Variants in ATP1A2 observed in about 807,000 individuals in gnomAD.
ATP1A2 encodes ATPase Na+/K+ transporting subunit alpha 2.
ATP1A2 carries 56 observed loss-of-function variants against 113.1 expected under a neutral mutation model. That is an observed-to-expected ratio of 0.49 (90% CI 0.40 to 0.62). The LOEUF is 0.62. ATP1A2 is among the 20% of genes least tolerant of loss of function. ATP1A2 has a pLI of 0.00. For missense variants in ATP1A2, 712 were observed against 1,357.8 expected (o/e 0.52, Z 7.47); for synonymous variants, 490 against 526.8 (o/e 0.93, Z 0.96).
At chr1:160,128,920 TG>T in intron 9 of ATP1A2, 59 bp from the exon 10 acceptor site, 5 of 1,601,540 alleles carry the variant, frequency 3.1e-6, no homozygotes, top group Non-Finnish European at 2.6e-6. Context: ...GTGGGGTGAG[TG>T]GTTGAGATAA....
At chr1:160,140,531 G>A (rs1049205850) in intron 22 of ATP1A2, 3 of 172,748 alleles carry the variant, frequency 1.7e-5, no homozygotes, top group South Asian at 1.3e-4. Context: ...GTGGGGGGAG[G>A]AGGGTGGATT....
intron 7 of ATP1A2, among the ~76,000 whole-genome samples, chr1:160,127,231 C>A (rs1651613711): frequency 1.3e-5 from 2 of 152,178 alleles, no homozygotes; most frequent in Admixed American, 1.3e-4. Context: ...TGGATGGTAT[C>A]AAGTATGGGA....
Position 160,127,633 on chromosome 1 carries a change from T to C in ATP1A2, c.830T>C (p.Val277Ala). The part of the protein sequence containing the change: ...RIATLASGLE[V>A]GRTPIAMEIE... Reference sequence around the variant, plus strand: ...GCTACTCTCGCCTCAGGCCTGGAGGTTGGGCGGACACCCATAGCAATGGAG... The same window carrying C: ...GCTACTCTCGCCTCAGGCCTGGAGGCTGGGCGGACACCCATAGCAATGGAG... Residue 277 changes from valine to alanine, a missense_variant, in exon 8 of 23, where the codon GTT becomes GCT. Physicochemically the swap from Val to Ala is moderately conservative, Grantham distance 64. Around this residue, in one of 6 missense-constraint regions of ATP1A2, gnomAD observed 99 missense variants for 180.4 expected, o/e 0.55. Coordinates refer to ENST00000361216, the MANE Select transcript of ATP1A2 (RefSeq NM_000702.4). The C allele has an allele frequency of 6.2e-7, 1 of 1,614,172 alleles. No individual in the cohort carries two copies. Among genetic ancestry groups the C allele is most frequent in the Non-Finnish European group, 8.5e-7 (1 of 1,180,020 alleles).
rs1472757564 is a variant in ATP1A2 at position 160,141,607 on chromosome 1, G to A, written c.*285G>A. On this transcript the variant is annotated 3_prime_UTR_variant, in exon 23 of 23. Transcript: ENST00000361216. ...TTGTCTATTTTTTCTGAGGAATTAAGGGTTACCCCACCCTGCCCACTCCCA... is the reference window on the plus strand; with the variant it reads ...TTGTCTATTTTTTCTGAGGAATTAAAGGTTACCCCACCCTGCCCACTCCCA... The A allele has an allele frequency of 2.0e-6, 1 of 488,268 alleles. No individual in the cohort carries two copies. Among genetic ancestry groups the A allele is most frequent in the Non-Finnish European group, 3.8e-6 (1 of 265,694 alleles). 30.2% of individuals were successfully genotyped at this position (488,268 alleles called of 1,614,324 possible).
intron 2 of ATP1A2, 71 bp from the exon 3 acceptor site, chr1:160,121,121 T>G (rs982453543): frequency 1.2e-6 from 2 of 1,600,984 alleles, no homozygotes; most frequent in African/African-American, 2.7e-5. Context: ...AACTCACCCC[T>G]GTGCCCTGCA....
chr1:160,116,759 C>T (rs1651199109), intron 1 of ATP1A2, among the ~76,000 whole-genome samples: 1 of 151,986 alleles, frequency 6.6e-6, no homozygotes. Flanking sequence ...GGGCATGCTG[C>T]GGAACAGGAG....
intron 17 of ATP1A2, 21 bp from the exon 18 acceptor site, chr1:160,136,226 C>T (rs1651931743): frequency 1.2e-6 from 2 of 1,614,072 alleles, no homozygotes; most frequent in Non-Finnish European, 1.7e-6. Flanking sequence ...CCCTCCCTGC[C>T]CCATTTCCTA....
intron 3 of ATP1A2, 104 bp downstream of exon 3, chr1:160,121,355 G>A: frequency 2.3e-6 from 3 of 1,325,166 alleles, no homozygotes; most frequent in East Asian, 2.3e-5. Flanking sequence ...CTTTACAGAT[G>A]AGGAAACTGA....
intron 1 of ATP1A2, among the ~76,000 whole-genome samples, chr1:160,120,034 A>G (rs561613953): frequency 1.3e-5 from 2 of 151,904 alleles, no homozygotes; most frequent in Admixed American, 6.6e-5. Context: ...AAAAAAAAAA[A>G]GGCCATCTGA....
At position 160,130,661 on chromosome 1, in the gene ATP1A2, G is replaced by A. The variant is rs1460047526; in HGVS notation, c.1827+64G>A. The A allele has an allele frequency of 5.0e-6, 8 of 1,609,276 alleles. No individual in the cohort carries two copies. The Admixed American group carries it at 5.0e-5, about 10-fold the overall frequency. ...CCATGCCAGAGTTCAAGGAGCTGCAGTGGCTGCTGCCCTGGAAAGGCCCAG... is the reference window on the plus strand; with the variant it reads ...CCATGCCAGAGTTCAAGGAGCTGCAATGGCTGCTGCCCTGGAAAGGCCCAG... On this transcript the variant is annotated intron_variant, in intron 13 of 22. Transcript: ENST00000361216.
chr1:160,138,660 G>C (rs1370259064), intron 20 of ATP1A2, among the ~76,000 whole-genome samples: 1 of 151,690 alleles, frequency 6.6e-6, no homozygotes, highest in Non-Finnish European at 1.5e-5. Context: ...TGGGCACATG[G>C]TGAAACTCTA....
chr1:160,141,433 G>T lies in ATP1A2; in HGVS notation c.*111G>T. 6.9e-7 allele frequency: 1 copy of T among 1,444,770 alleles called. No homozygotes were observed. Among genetic ancestry groups the T allele is most frequent in the Non-Finnish European group, 9.7e-7 (1 of 1,030,362 alleles). The allele number at this position is 1,444,770 out of a possible 1,614,324, so 89.5% of individuals were successfully genotyped here. ...GGGTGGCATTGGGTGGCAACATTTG[G>T]GGAGAGATAATGAGGCAACTCAGCA... On this transcript the variant is annotated 3_prime_UTR_variant, in exon 23 of 23. Transcript: ENST00000361216.
chr1:160,130,909 G>T (rs1453165480), intron 13 of ATP1A2, among the ~76,000 whole-genome samples: 1 of 152,062 alleles, frequency 6.6e-6, no homozygotes, highest in Non-Finnish European at 1.5e-5. Flanking sequence ...TGAAGACCTA[G>T]TTGTCCTACC....
Position 160,123,387 on chromosome 1 carries a change from G to T in ATP1A2, c.352G>T (p.Ala118Ser), listed in dbSNP as rs1193098012. 1.2e-6 allele frequency: 2 copies of T among 1,614,168 alleles called. No homozygotes were observed. Among genetic ancestry groups the T allele is most frequent in the Admixed American group, 1.7e-5 (1 of 60,016 alleles). ...CTTCCTGGCCTACGGCATCCAGGCTGCCATGGAGGATGAACCATCCAACGA... is the reference window on the plus strand; with the variant it reads ...CTTCCTGGCCTACGGCATCCAGGCTTCCATGGAGGATGAACCATCCAACGA... ...LCFLAYGIQAAMEDEPSNDNL... is the reference protein window; with the variant it reads ...LCFLAYGIQASMEDEPSNDNL... The change falls in exon 4 of 23, where the codon GCC (alanine) becomes TCC (serine). Residue 118 changes from alanine (A) to serine (S), a missense_variant. By Grantham distance (99) the Ala-to-Ser change is moderately conservative. This residue lies in a region of ATP1A2 where 109 missense variants were observed against 162.3 expected (regional missense o/e 0.67). Coordinates refer to ENST00000361216, the MANE Select transcript of ATP1A2 (RefSeq NM_000702.4).
chr1:160,136,850 C>T (rs370515409), intron 19 of ATP1A2, 51 bp from the exon 20 acceptor site: 52 of 1,614,076 alleles, frequency 3.2e-5, no homozygotes, highest in Non-Finnish European at 4.2e-5. Flanking sequence ...ACCTTCTGGT[C>T]CTACCCTTTC....
intron 9 of ATP1A2, 38 bp downstream of exon 9, chr1:160,128,888 G>A (rs760381993): frequency 5.0e-6 from 8 of 1,613,082 alleles, no homozygotes; most frequent in Non-Finnish European, 5.9e-6. Context: ...TAGGATTAGA[G>A]GAGGCTGAGG....
rs149490082 is a variant in ATP1A2, at chr1:160,135,737, C to A, written c.2285-102C>A. 1.9e-6 allele frequency: 3 copies of A among 1,610,348 alleles called. No homozygotes were observed. The East Asian group carries it at 6.7e-5, about 36-fold the overall frequency. ...AGCCCACTTTAGCTTCCCTTGAACA[C>A]AAAATCTTCCTCTCTTGGGAAGACA... is the stretch of plus-strand genomic sequence containing the variant. On this transcript the variant is annotated intron_variant, in intron 16 of 22. Transcript: ENST00000361216. The surrounding 1 kb of genome is among the most constrained non-coding windows in gnomAD (Gnocchi z 6.3).
In ATP1A2 at chr1:160,139,760, C is replaced by T. The variant is rs187187416; in HGVS notation, c.2942+19C>T. ...CGCTCAAGTGAGTGTCTCTTTCGGG[C>T]GGCCTGAGTAGTCATACGGGGGGCC... On this transcript the variant is annotated intron_variant, in intron 21 of 22. Coordinates refer to ENST00000361216, the MANE Select transcript of ATP1A2 (RefSeq NM_000702.4). 3.7e-5 allele frequency: 60 copies of T among 1,613,634 alleles called. No individual in the cohort carries two copies. Among genetic ancestry groups the T allele is most frequent in the Admixed American group, 1.0e-4 (6 of 59,984 alleles).
At position 160,127,543 on chromosome 1, in the gene ATP1A2, A is replaced by G; in HGVS notation, c.749-9A>G. On this transcript the variant is annotated splice_polypyrimidine_tract_variant and intron_variant, in intron 7 of 22. Transcript: ENST00000361216. ...AAGGCACCCAACCTGATGCCCCACC[A>G]TGTTGCAGGCACTGCCAGGGGCATT... 3 of 1,614,156 alleles carry G rather than the reference A, an allele frequency of 1.9e-6. No homozygotes were observed. The highest frequency in any genetic ancestry group is 1.3e-5 in the African/African-American group (1 of 75,052).
Sources: gnomAD v4.1 joint callset for allele counts (sites outside exome capture counted in the v4.1 genomes callset) on GRCh38, gnomAD v4.1.1 for gene constraint, gnomAD v4.1.1 regional missense constraint, Gnocchi (gnomAD v3.1) non-coding constraint, MANE v1.5 for transcripts, NCBI Gene and HGNC (gene_info 2026-07-23, HGNC 2026-07-21) for gene names.